Variants in KPNA3 observed in about 807,000 individuals in gnomAD.
The protein encoded by KPNA3 is karyopherin subunit alpha 3.
KPNA3 carries 13 observed loss-of-function variants against 73.8 expected under a neutral mutation model. The observed-to-expected ratio is 0.18, with a 90% CI of 0.11 to 0.28. The LOEUF (loss-of-function observed/expected upper bound fraction) is 0.28, where lower values mean the gene tolerates loss of function less well. Among genes scored for constraint, KPNA3 ranks in the 10% least tolerant of loss-of-function variants. The pLI is 1.00. For synonymous variants in KPNA3, 186 were observed against 206.9 expected, an observed-to-expected ratio of 0.90 and a Z score of 0.87; for missense variants, 360 against 618.1, an observed-to-expected ratio of 0.58 and a Z score of 4.43.
chr13:49,762,459 TTGTTGCTG>T (rs1954775220), intron 1 of KPNA3, among the ~76,000 whole-genome samples: 1 of 152,146 alleles, frequency 6.6e-6, no homozygotes, highest in Non-Finnish European at 1.5e-5. Flanking sequence ...AGAAATCAGA[TTGTTGCTG>T]TGTCTGTGTA....
At chr13:49,757,703 C>G (rs762216894) in intron 1 of KPNA3, among the ~76,000 whole-genome samples, 4 of 152,112 alleles carry the variant, frequency 2.6e-5, no homozygotes, top group African/African-American at 4.8e-5. Context: ...CACACACACA[C>G]ACACACACAA....
In KPNA3 at chr13:49,702,444, T is replaced by C. The variant is rs61750351; in HGVS notation, c.1409A>G (p.Asn470Ser). 6 of 1,558,690 alleles carry C rather than the reference T, an allele frequency of 3.8e-6. No homozygotes were observed. The highest frequency in any genetic ancestry group is 1.1e-5 in the South Asian group (1 of 86,994). Residue 470 changes from asparagine to serine, a missense_variant, in exon 16 of 17, where the codon AAT becomes AGT. Physicochemically the swap from Asn to Ser is conservative, Grantham distance 46 (BLOSUM62 1). Transcript: ENST00000261667. Reference sequence around the variant, plus strand: ...AAATGCTAATTTATATATGTCTTCATTTTCATGTTGCTGTAAAACTTCAAT... The same window carrying C: ...AAATGCTAATTTATATATGTCTTCACTTTCATGTTGCTGTAAAACTTCAAT... ...EKIEVLQQHE[N>S]EDIYKLAFEI...
At chr13:49,711,573 A>C (rs2236327) in intron 10 of KPNA3, among the ~76,000 whole-genome samples, 1 of 152,218 alleles carries the variant, frequency 6.6e-6, no homozygotes, top group Non-Finnish European at 1.5e-5. Flanking sequence ...TGTGTCCCCA[A>C]CTGAAGTATA....
intron 15 of KPNA3, among the ~76,000 whole-genome samples, chr13:49,703,371 G>A (rs772257098): frequency 5.3e-4 from 80 of 150,980 alleles, no homozygotes; most frequent in Non-Finnish European, 9.0e-4. Flanking sequence ...TAGTAGAGAC[G>A]GGGTTTCACC....
At chr13:49,710,436 G>A (rs80168542) in intron 11 of KPNA3, among the ~76,000 whole-genome samples, 4,765 of 152,252 alleles carry the variant, frequency 0.031, 107 homozygotes, top group Non-Finnish European at 0.051. Flanking sequence ...GAAAGATAGA[G>A]TCTTGAACTA....
chr13:49,784,925 G>C (rs1371470709), intron 1 of KPNA3, among the ~76,000 whole-genome samples: 4 of 152,100 alleles, frequency 2.6e-5, no homozygotes, highest in Non-Finnish European at 5.9e-5. Flanking sequence ...ATTGCAACGA[G>C]AAAGATACAC....
At chr13:49,756,205 C>G (rs1470602509) in intron 1 of KPNA3, among the ~76,000 whole-genome samples, 1 of 152,130 alleles carries the variant, frequency 6.6e-6, no homozygotes, top group Non-Finnish European at 1.5e-5. Context: ...GCTCGGGAGA[C>G]GGAGGCTGCA....
Position 49,701,878 on chromosome 13 carries a change from G to A in KPNA3, c.1488C>T (p.Leu496=), listed in dbSNP as rs371115038. The change falls in exon 17 of 17, where the codon CTC becomes CTT. Residue 496 remains leucine, a synonymous_variant. Transcript: ENST00000261667. The part of the protein sequence containing the change: ...SGDDIDEDPC[L]IPEATQGGTY... ...TACCTCCTTGTGTTGCTTCAGGAAT[G>A]AGGCAGGGATCTTCATCAATCTGTA... is the stretch of plus-strand genomic sequence containing the variant. The A allele has an allele frequency of 4.3e-6, 7 of 1,612,220 alleles. No homozygotes were observed. Among genetic ancestry groups the A allele is most frequent in the Non-Finnish European group, 5.1e-6 (6 of 1,178,426 alleles).
chr13:49,782,087 G>C (rs1440787748), intron 1 of KPNA3, among the ~76,000 whole-genome samples: 1 of 152,154 alleles, frequency 6.6e-6, no homozygotes, highest in African/African-American at 2.4e-5. Context: ...CCTAATTTGT[G>C]TTAGCCAGAA....
rs552096424 is a variant in KPNA3 at position 49,738,972 on chromosome 13, T to C, written c.115-5926A>G. Reference sequence around the variant, plus strand: ...AAGTGTGATGTTAGCTGTGAGGTTTTTGTGGTGCTCTTTACCAAGATGAGG... The same window carrying C: ...AAGTGTGATGTTAGCTGTGAGGTTTCTGTGGTGCTCTTTACCAAGATGAGG... On this transcript the variant is annotated intron_variant, in intron 2 of 16. Coordinates refer to ENST00000261667, the MANE Select transcript of KPNA3 (RefSeq NM_002267.4). Among the ~76,000 whole-genome samples the C allele has an allele frequency of 5.3e-5, 8 of 152,360 alleles. No individual in the cohort carries two copies. The South Asian group carries it at 1.0e-3, about 20-fold the overall frequency.
chr13:49,787,460 C>T (rs966867921), intron 1 of KPNA3, among the ~76,000 whole-genome samples: 4 of 152,146 alleles, frequency 2.6e-5, no homozygotes, highest in South Asian at 2.1e-4. Flanking sequence ...AGACTCCCTT[C>T]GGTGGAGTAC....
chr13:49,786,742 A>G (rs866589776), intron 1 of KPNA3, among the ~76,000 whole-genome samples: 5 of 152,358 alleles, frequency 3.3e-5, no homozygotes, highest in Middle Eastern at 3.4e-3. Flanking sequence ...GAAAAGTGCA[A>G]GGTGAGGTAA....
chr13:49,766,131 A>G (rs1310101871), intron 1 of KPNA3, among the ~76,000 whole-genome samples: 9 of 152,198 alleles, frequency 5.9e-5, no homozygotes. Context: ...AATAAAATAA[A>G]CATTAATAAA....
At chr13:49,715,253 G>T (rs1332450852) in intron 10 of KPNA3, among the ~76,000 whole-genome samples, 1 of 152,042 alleles carries the variant, frequency 6.6e-6, no homozygotes, top group African/African-American at 2.4e-5. Context: ...AACTAGGGAA[G>T]TATTTTAAGT....
At chr13:49,704,435 AAATAAATAAAT>A (rs1954183989) in intron 15 of KPNA3, among the ~76,000 whole-genome samples, 2 of 1,046 alleles carry the variant, frequency 1.9e-3, no homozygotes, top group East Asian at 0.042. Flanking sequence ...AATAAATAAA[AAATAAATAAAT>A]AAATAAATAA....
chr13:49,720,980 A>G (rs1196520522), intron 9 of KPNA3, among the ~76,000 whole-genome samples: 2 of 152,144 alleles, frequency 1.3e-5, no homozygotes, highest in Non-Finnish European at 2.9e-5. Flanking sequence ...GCACTTTGGG[A>G]TACTGAGGTG....
intron 1 of KPNA3, among the ~76,000 whole-genome samples, chr13:49,748,797 T>G (rs1466999239): frequency 6.6e-6 from 1 of 152,158 alleles, no homozygotes; most frequent in Non-Finnish European, 1.5e-5. Flanking sequence ...AATTTAATTC[T>G]ATATTTAGTA....
intron 1 of KPNA3, among the ~76,000 whole-genome samples, chr13:49,782,237 G>A (rs1423645197): frequency 6.6e-6 from 1 of 152,138 alleles, no homozygotes; most frequent in Admixed American, 6.5e-5. Context: ...TGGATACAAT[G>A]CCCCTCATAT....
chr13:49,764,918 C>A (rs201594102), intron 1 of KPNA3, among the ~76,000 whole-genome samples: 22 of 152,328 alleles, frequency 1.4e-4, no homozygotes, highest in African/African-American at 5.1e-4. Flanking sequence ...ACATTATCAG[C>A]AACCTTCTAT....
Sources: allele counts gnomAD v4.1 joint callset (sites outside exome capture counted in the v4.1 genomes callset), GRCh38; gene constraint gnomAD v4.1.1; transcripts MANE v1.5; gene names NCBI Gene and HGNC (gene_info 2026-07-23, HGNC 2026-07-21).